The following CA10 variants were observed in gnomAD, a reference collection of about 807,000 sequenced individuals.
CA10 encodes the protein carbonic anhydrase-related protein 10.
A neutral mutation model predicts 44.2 loss-of-function variants in CA10; 14 were observed. That is an observed-to-expected ratio of 0.32 (90% CI 0.21 to 0.50). The LOEUF (loss-of-function observed/expected upper bound fraction) is 0.50, where lower values mean the gene tolerates loss of function less well. CA10 is among the 20% of genes least tolerant of loss of function. The probability of loss-of-function intolerance (pLI) is 0.99; values close to 1 mark genes in which losing one functional copy is unlikely to be tolerated. For synonymous variants in CA10, 159 were observed against 141.6 expected, an observed-to-expected ratio of 1.12 and a Z score of -0.87; for missense variants, 350 against 409.7, an observed-to-expected ratio of 0.85 and a Z score of 1.26.
At chr17:51,861,410 T>G (rs1979299883) in intron 3 of CA10, among the ~76,000 whole-genome samples, 1 of 152,058 alleles carries the variant, frequency 6.6e-6, no homozygotes, top group Non-Finnish European at 1.5e-5. Context: ...AGAAAAAAGA[T>G]GTACATACAG....
At chr17:52,093,781 G>A (rs1471086937) in intron 1 of CA10, among the ~76,000 whole-genome samples, 1 of 152,162 alleles carries the variant, frequency 6.6e-6, no homozygotes, top group Non-Finnish European at 1.5e-5. Flanking sequence ...AATTTTCTGA[G>A]AGTCTCCTCT....
At chr17:51,705,897 A>C (rs1010249902) in intron 4 of CA10, among the ~76,000 whole-genome samples, 13 of 152,190 alleles carry the variant, frequency 8.5e-5, no homozygotes, top group African/African-American at 3.1e-4. Context: ...AGGTAGGGGT[A>C]GTTTTTTTCA....
chr17:51,809,192 C>T (rs1359814639), intron 3 of CA10, among the ~76,000 whole-genome samples: 1 of 152,084 alleles, frequency 6.6e-6, no homozygotes, highest in Non-Finnish European at 1.5e-5. Flanking sequence ...TGACCTATTG[C>T]TTATTAGACC....
At chr17:52,026,098 A>G (rs1359621947) in intron 2 of CA10, among the ~76,000 whole-genome samples, 1 of 152,134 alleles carries the variant, frequency 6.6e-6, no homozygotes, top group East Asian at 1.9e-4. Context: ...TGAGGTTAAG[A>G]TTCTAGCAAA....
At chr17:51,659,584 C>T (rs2143305789) in intron 4 of CA10, among the ~76,000 whole-genome samples, 1 of 152,284 alleles carries the variant, frequency 6.6e-6, no homozygotes, top group African/African-American at 2.4e-5. Flanking sequence ...ACCATAGACG[C>T]CCAGTACAGT....
At chr17:52,079,210 G>T (rs917974905) in intron 1 of CA10, among the ~76,000 whole-genome samples, 7 of 152,014 alleles carry the variant, frequency 4.6e-5, no homozygotes, top group Non-Finnish European at 8.8e-5. Context: ...GGCGTGAACC[G>T]GGGAGGCGGA....
chr17:51,652,276 A>C (rs1352241066), intron 5 of CA10, among the ~76,000 whole-genome samples: 1 of 152,250 alleles, frequency 6.6e-6, no homozygotes, highest in Non-Finnish European at 1.5e-5. Flanking sequence ...TTTATTACTA[A>C]ACAACAAAAT....
intron 3 of CA10, among the ~76,000 whole-genome samples, chr17:51,828,239 G>A (rs1405187): frequency 0.16 from 23,615 of 152,082 alleles, 2,080 homozygotes; most frequent in South Asian, 0.37. Flanking sequence ...AGTGGTTTTC[G>A]TGGAGGTTAT....
chr17:52,099,125 TA>T (rs1457002288), intron 1 of CA10, among the ~76,000 whole-genome samples: 2 of 152,074 alleles, frequency 1.3e-5, no homozygotes, highest in African/African-American at 4.8e-5. Context: ...AGACCTGCAT[TA>T]TTAGCAGGAA....
At chr17:51,873,128 G>A (rs1235482215) in intron 3 of CA10, among the ~76,000 whole-genome samples, 1 of 152,184 alleles carries the variant, frequency 6.6e-6, no homozygotes, top group African/African-American at 2.4e-5. Context: ...TTAAGTCTCT[G>A]CATTGTTTTT....
intron 2 of CA10, among the ~76,000 whole-genome samples, chr17:51,990,191 G>T (rs997193164): frequency 6.6e-6 from 1 of 152,000 alleles, no homozygotes; most frequent in South Asian, 2.1e-4. Flanking sequence ...GGGAGGGAGG[G>T]ATGGCTTCAT....
chr17:52,091,605 C>G (rs565867154), intron 1 of CA10, among the ~76,000 whole-genome samples: 1 of 152,260 alleles, frequency 6.6e-6, no homozygotes, highest in South Asian at 2.1e-4. Context: ...AGAGAAACCA[C>G]CCTAAGGGTG....
At chr17:51,804,152 T>TCACCATAGTGAAAATA (rs1907041654) in intron 3 of CA10, among the ~76,000 whole-genome samples, 1 of 152,226 alleles carries the variant, frequency 6.6e-6, no homozygotes, top group African/African-American at 2.4e-5. Flanking sequence ...CTATGATGAT[T>TCACCATAGTGAAAATA]TTTAACAATC....
intron 2 of CA10, among the ~76,000 whole-genome samples, chr17:51,973,758 GAC>G (rs1447185886): frequency 2.0e-5 from 3 of 152,172 alleles, no homozygotes; most frequent in Non-Finnish European, 4.4e-5. Flanking sequence ...GTTAGAAAGA[GAC>G]AATGCTTTTT....
In CA10 at chr17:52,131,813, T is replaced by C. The variant is rs1989246205; in HGVS notation, c.61+25913A>G. Among the ~76,000 whole-genome samples, 3 of 152,138 alleles carry C rather than the reference T, an allele frequency of 2.0e-5. No homozygotes were observed. The South Asian group carries it at 6.2e-4, about 31-fold the overall frequency. On this transcript the variant is annotated intron_variant, in intron 1 of 8. Coordinates refer to ENST00000451037, the MANE Select transcript of CA10 (RefSeq NM_020178.5). Reference sequence around the variant, plus strand: ...AAGAAAATGTGGCACATATACACCATGAAATACTATGCAGCCATAAAAAAT... The same window carrying C: ...AAGAAAATGTGGCACATATACACCACGAAATACTATGCAGCCATAAAAAAT...
At chr17:51,659,426 G>A (rs1033285610) in intron 4 of CA10, among the ~76,000 whole-genome samples, 5 of 152,118 alleles carry the variant, frequency 3.3e-5, no homozygotes, top group African/African-American at 1.2e-4. Flanking sequence ...TTCCATAATT[G>A]TGAGCCAATT....
chr17:52,123,323 A>G (rs1315663161), intron 1 of CA10, among the ~76,000 whole-genome samples: 4 of 150,694 alleles, frequency 2.7e-5, no homozygotes, highest in Admixed American at 6.6e-5. Flanking sequence ...AGGATTACAT[A>G]TATATGTGTG....
At chr17:51,743,472 A>C (rs987805506) in intron 4 of CA10, among the ~76,000 whole-genome samples, 6 of 152,212 alleles carry the variant, frequency 3.9e-5, no homozygotes, top group Non-Finnish European at 8.8e-5. Context: ...ATTTATCACC[A>C]ATCCCCAACA....
chr17:51,672,193 C>A (rs1441594580), intron 4 of CA10, among the ~76,000 whole-genome samples: 2 of 152,174 alleles, frequency 1.3e-5, no homozygotes, highest in Non-Finnish European at 2.9e-5. Context: ...TACCTCTTCC[C>A]CCAAATACAC....
Sources: gnomAD v4.1 joint callset for allele counts (sites outside exome capture counted in the v4.1 genomes callset) on GRCh38, gnomAD v4.1.1 for gene constraint, MANE v1.5 for transcripts, NCBI Gene and HGNC (gene_info 2026-07-23, HGNC 2026-07-21) for gene names.